The following PTPRN2 variants were observed in gnomAD, a reference collection of about 807,000 sequenced individuals.
PTPRN2 encodes protein tyrosine phosphatase receptor type N2.
In PTPRN2, 74 loss-of-function variants were observed where a neutral mutation model predicts 118.8. That is an observed-to-expected ratio of 0.62 (90% CI 0.52 to 0.76). The LOEUF is 0.76. Ranked by LOEUF, PTPRN2 falls within the 30% of genes least tolerant of loss-of-function variation. The pLI, the probability that PTPRN2 is intolerant of heterozygous loss-of-function variation, is 0.00. For missense variants in PTPRN2, 1,481 were observed against 1,394.4 expected, an observed-to-expected ratio of 1.06 and a Z score of -0.99; for synonymous variants, 641 against 608.0, an observed-to-expected ratio of 1.05 and a Z score of -0.80.
intron 3 of PTPRN2, among the ~76,000 whole-genome samples, chr7:158,279,203 T>C (rs1290785935): frequency 6.6e-6 from 1 of 152,196 alleles, no homozygotes; most frequent in Non-Finnish European, 1.5e-5. Flanking sequence ...AGTTGATTGG[T>C]CCATTTTACA....
At chr7:158,439,941 A>G (rs1277963293) in intron 2 of PTPRN2, among the ~76,000 whole-genome samples, 1 of 152,228 alleles carries the variant, frequency 6.6e-6, no homozygotes, top group East Asian at 1.9e-4. Flanking sequence ...CCAGGGAGGC[A>G]TTGGTTTGGG....
rs1169809908 is a variant in PTPRN2 at position 158,093,052 on chromosome 7, C to T, written c.1644-11675G>A. On this transcript the variant is annotated intron_variant, in intron 10 of 22. Transcript: ENST00000389418. This position sits in a 1 kb window ranked among gnomAD's most constrained non-coding sequence, Gnocchi z 4.4. ...ATCAATGCCACCACTAGAATCACAA[C>T]TTCGGCGTTCTTGGCTGAGAGCCTT... 6.6e-6 allele frequency among the ~76,000 whole-genome samples: 1 copy of T among 152,248 alleles called. No homozygotes were observed. The highest frequency in any genetic ancestry group is 1.5e-5 in the Non-Finnish European group (1 of 68,050).
At chr7:158,071,348 CGTGGTGGTGGAGGTGCTCATG>C (rs1563390625) in intron 11 of PTPRN2, among the ~76,000 whole-genome samples, 46 of 89,572 alleles carry the variant, frequency 5.1e-4, no homozygotes, top group Admixed American at 3.8e-4. Context: ...TGGAGGTGCT[CGTGGTGGTGGAGGTGCTCATG>C]GTGGTGGAGG....
chr7:157,656,277 C>T (rs535493102), intron 14 of PTPRN2, 80 bp downstream of exon 14: 144 of 1,392,020 alleles, frequency 1.0e-4, no homozygotes, highest in South Asian at 7.0e-4. Context: ...GGTCAGCGGG[C>T]GCAGATGCTG....
At chr7:158,163,445 G>A (rs1822556865) in intron 6 of PTPRN2, among the ~76,000 whole-genome samples, 1 of 151,216 alleles carries the variant, frequency 6.6e-6, no homozygotes, top group South Asian at 2.1e-4. Context: ...GGTGACGCCT[G>A]TACCGGGTTC....
intron 12 of PTPRN2, among the ~76,000 whole-genome samples, chr7:157,771,080 C>T (rs1422777911): frequency 6.6e-6 from 1 of 152,240 alleles, no homozygotes; most frequent in Non-Finnish European, 1.5e-5. Flanking sequence ...AAACTCGCTG[C>T]CATTCTGTGA....
At chr7:158,261,677 C>G (rs1797409159) in intron 3 of PTPRN2, among the ~76,000 whole-genome samples, 1 of 152,164 alleles carries the variant, frequency 6.6e-6, no homozygotes, top group African/African-American at 2.4e-5. Context: ...CAGGCTCCCC[C>G]CAGCACACAT....
intron 12 of PTPRN2, among the ~76,000 whole-genome samples, chr7:157,835,600 G>T (rs1807878377): frequency 2.0e-5 from 3 of 152,178 alleles, no homozygotes; most frequent in Admixed American, 2.0e-4. Flanking sequence ...CAGGAAACAG[G>T]GATCTGCAGC....
chr7:158,227,349 C>T (rs549729498), intron 3 of PTPRN2, among the ~76,000 whole-genome samples: 91 of 152,136 alleles, frequency 6.0e-4, no homozygotes, highest in Non-Finnish European at 6.8e-4. Flanking sequence ...ATTTCAAACG[C>T]GGTAATACTG....
chr7:157,827,758 C>T (rs56246845), intron 12 of PTPRN2, among the ~76,000 whole-genome samples: 4,087 of 146,582 alleles, frequency 0.028, 112 homozygotes, highest in East Asian at 0.098. Context: ...CTCACCGTGC[C>T]GGGGTGGATG....
intron 12 of PTPRN2, among the ~76,000 whole-genome samples, chr7:157,862,366 G>A (rs1810305086): frequency 6.6e-6 from 1 of 152,332 alleles, no homozygotes; most frequent in African/African-American, 2.4e-5. Flanking sequence ...TTGAGCCCAC[G>A]GCTAGGGGAT....
intron 12 of PTPRN2, among the ~76,000 whole-genome samples, chr7:157,885,039 T>C (rs1584949445): frequency 6.6e-6 from 1 of 151,910 alleles, no homozygotes; most frequent in Admixed American, 6.6e-5. Flanking sequence ...TGTGAATCGG[T>C]TTTTTGTTAC....
chr7:158,319,476 G>GCCTCCCTTGTACACA (rs1563131407), intron 2 of PTPRN2, among the ~76,000 whole-genome samples: 1 of 35,608 alleles, frequency 2.8e-5, no homozygotes, highest in Admixed American at 3.3e-4. Context: ...TCACACACAA[G>GCCTCCCTTGTACACA]CACAGCCTCC....
chr7:158,219,308 T>C (rs1253170033), intron 3 of PTPRN2, among the ~76,000 whole-genome samples: 4 of 152,280 alleles, frequency 2.6e-5, no homozygotes, highest in African/African-American at 9.6e-5. Flanking sequence ...ATTTTGCTCC[T>C]AGATGACTTT....
At chr7:157,669,641 C>T (rs1796314234) in intron 13 of PTPRN2, 2 of 405,246 alleles carry the variant, frequency 4.9e-6, no homozygotes, top group South Asian at 3.5e-5. Context: ...GTGAGTTCTT[C>T]CCATTTCGCA....
intron 2 of PTPRN2, among the ~76,000 whole-genome samples, chr7:158,443,233 C>T (rs900967918): frequency 9.9e-5 from 15 of 152,154 alleles, no homozygotes; most frequent in Admixed American, 5.2e-4. Flanking sequence ...GCCCATCTTC[C>T]GTGGCTCAGC....
At chr7:158,276,659 C>A (rs1799025901) in intron 3 of PTPRN2, among the ~76,000 whole-genome samples, 1 of 152,202 alleles carries the variant, frequency 6.6e-6, no homozygotes, top group Admixed American at 6.5e-5. Flanking sequence ...GGGATGAAAC[C>A]ATGCTTCCAG....
chr7:158,081,516 C>T, intron 10 of PTPRN2, 139 bp from the exon 11 acceptor site: 1 of 735,482 alleles, frequency 1.4e-6, no homozygotes, highest in Non-Finnish European at 2.3e-6. Flanking sequence ...GTCGACTCCA[C>T]TGGACGTCGG....
intron 12 of PTPRN2, among the ~76,000 whole-genome samples, chr7:157,781,278 G>A (rs1803665488): frequency 6.6e-6 from 1 of 152,118 alleles, no homozygotes; most frequent in Admixed American, 6.5e-5. Flanking sequence ...CAAAGTGGAG[G>A]GTCTGCTACA....
Sources: gnomAD v4.1 joint callset for allele counts (sites outside exome capture counted in the v4.1 genomes callset) on GRCh38, gnomAD v4.1.1 for gene constraint, Gnocchi (gnomAD v3.1) non-coding constraint, MANE v1.5 for transcripts, NCBI Gene and HGNC (gene_info 2026-07-23, HGNC 2026-07-21) for gene names.